The following FSCN2 variants were observed in gnomAD, a reference collection of about 807,000 sequenced individuals.
FSCN2 encodes fascin actin-bundling protein 2, retinal.
FSCN2 carries 46 observed loss-of-function variants against 37.8 expected under a neutral mutation model. The ratio of observed to expected loss-of-function variants is 1.22; its 90% CI spans 0.96 to 1.56. The LOEUF (loss-of-function observed/expected upper bound fraction) is 1.56. FSCN2 is among the 40% of genes most tolerant of loss of function. FSCN2 has a pLI of 0.00. For missense variants in FSCN2, 844 were observed against 730.4 expected, an observed-to-expected ratio of 1.16 and a Z score of -1.79; for synonymous variants, 351 against 309.4, an observed-to-expected ratio of 1.13 and a Z score of -1.41.
intron 1 of FSCN2, among the ~76,000 whole-genome samples, chr17:81,531,264 G>A (rs113689994): frequency 2.7e-4 from 25 of 94,134 alleles, no homozygotes; most frequent in African/African-American, 9.8e-4. Flanking sequence ...GGTGATGATG[G>A]TGGTGATGGC....
At chr17:81,523,333 A>G in the FSCN2 span, among the ~76,000 whole-genome samples, 3 of 152,144 alleles carry the variant, frequency 2.0e-5, no homozygotes, top group African/African-American at 7.2e-5. Flanking sequence ...GGAGCCTGTC[A>G]CCCTAAACCT....
At chr17:81,520,172 C>T in the FSCN2 span, among the ~76,000 whole-genome samples, 1 of 152,072 alleles carries the variant, frequency 6.6e-6, no homozygotes, top group African/African-American at 2.4e-5. Flanking sequence ...GGGGCACTGC[C>T]GGACAGGGGA....
At chr17:81,521,529 G>C in the FSCN2 span, among the ~76,000 whole-genome samples, 1 of 152,092 alleles carries the variant, frequency 6.6e-6, no homozygotes, top group African/African-American at 2.4e-5. Flanking sequence ...ATGCCACCAT[G>C]CCTGGCTAAT....
At chr17:81,531,520 TGGTGATGGC>T in intron 1 of FSCN2, among the ~76,000 whole-genome samples, 1 of 147,930 alleles carries the variant, frequency 6.8e-6, no homozygotes, top group Non-Finnish European at 1.5e-5. Flanking sequence ...ATGGTGATGG[TGGTGATGGC>T]GATGGTGGTG....
the FSCN2 span, among the ~76,000 whole-genome samples, chr17:81,515,634 C>T: frequency 6.6e-6 from 1 of 152,262 alleles, no homozygotes; most frequent in Non-Finnish European, 1.5e-5. Context: ...CACTGCCCCA[C>T]CTCCAGCTCC....
chr17:81,517,171 C>T, the FSCN2 span, among the ~76,000 whole-genome samples: 2 of 151,982 alleles, frequency 1.3e-5, no homozygotes, highest in African/African-American at 4.8e-5. Context: ...GCCCCACCCC[C>T]GCTGCTCCAG....
chr17:81,517,586 CT>C, the FSCN2 span, among the ~76,000 whole-genome samples: 1 of 152,182 alleles, frequency 6.6e-6, no homozygotes, highest in Admixed American at 6.5e-5. Flanking sequence ...GTGCCTGCTC[CT>C]CCCTCTGTTC....
chr17:81,534,227 C>T (rs1270067453), intron 1 of FSCN2, among the ~76,000 whole-genome samples: 3 of 152,092 alleles, frequency 2.0e-5, no homozygotes, highest in Non-Finnish European at 4.4e-5. Flanking sequence ...GCATCCTCTC[C>T]CCTGGGCACA....
rs866206918 is a variant in FSCN2, at chr17:81,531,781, T to C, written c.826+2424T>C. On this transcript the variant is annotated intron_variant, in intron 1 of 4. Coordinates refer to ENST00000417245, the MANE Select transcript of FSCN2 (RefSeq NM_012418.4). ...GCGATGATGGTGATGATAGTGATGG[T>C]GATGATGGTGATGATGATAATGGTG... 1.9e-3 allele frequency among the ~76,000 whole-genome samples: 261 copies of C among 137,010 alleles called. 8 individuals carry two copies. The highest frequency in any genetic ancestry group is 4.8e-3 in the African/African-American group (158 of 32,890). 89.9% of individuals were successfully genotyped at this position (137,010 alleles called of 152,430 possible). A position where few individuals can be genotyped will look rare whatever the true frequency, so the allele number is the denominator to read the frequency against.
chr17:81,524,049 C>T (rs1227749320), upstream of FSCN2, among the ~76,000 whole-genome samples: 2 of 152,104 alleles, frequency 1.3e-5, no homozygotes, highest in Admixed American at 6.5e-5. Flanking sequence ...GACGGGCCAA[C>T]TCGGGGAGGG....
chr17:81,536,922 A>G lies in FSCN2; in HGVS notation c.1321A>G (p.Ser441Gly). 1.3e-6 allele frequency: 2 copies of G among 1,574,598 alleles called. No individual in the cohort carries two copies. Among genetic ancestry groups the G allele is most frequent in the Middle Eastern group, 3.3e-4 (2 of 5,974 alleles). ...WYTGSHGSVC[S>G]DGERAEDFVF... ...CACGGGCAGCCACGGCAGCGTGTGC[A>G]GCGACGGCGAACGCGCCGAGGACTT... The change falls in exon 5 of 5, where the codon AGC becomes GGC. Residue 441 changes from serine (S) to glycine (G), a missense_variant. Physicochemically the swap from Ser to Gly is moderately conservative, Grantham distance 56. Coordinates refer to ENST00000417245, the MANE Select transcript of FSCN2 (RefSeq NM_012418.4).
chr17:81,529,415 GA>G, intron 1 of FSCN2, 58 bp downstream of exon 1: 1 of 1,334,744 alleles, frequency 7.5e-7, no homozygotes, highest in Non-Finnish European at 1.0e-6. Context: ...CTGCTTCAGG[GA>G]GGAGGCCGTG....
In FSCN2 at chr17:81,528,961, C is replaced by T. The variant is rs2032448386; in HGVS notation, c.430C>T (p.Leu144=). The stretch of plus-strand genomic sequence containing the variant: ...GGCCATCCACCCGCAGGCCCACCTG[C>T]TGAGCGTGAGCCGGCGGCGCTACGT... The part of the protein sequence containing the change: ...HLAIHPQAHL[L]SVSRRRYVHL... Residue 144 remains leucine, a synonymous_variant, in exon 1 of 5, where the codon CTG becomes TTG. Coordinates refer to ENST00000417245, the MANE Select transcript of FSCN2 (RefSeq NM_012418.4). The T allele has an allele frequency of 6.3e-7, 1 of 1,589,892 alleles. No homozygotes were observed.
chr17:81,535,158 C>G lies in FSCN2; in HGVS notation c.933C>G (p.Gly311=), dbSNP rs1481655251. The G allele has an allele frequency of 3.3e-6, 5 of 1,533,662 alleles. No individual in the cohort carries two copies. Among genetic ancestry groups the G allele is most frequent in the Non-Finnish European group, 4.4e-6 (5 of 1,145,348 alleles). The change falls in exon 2 of 5, where the codon GGC becomes GGG. Residue 311 remains glycine, a synonymous_variant. Transcript: ENST00000417245. ...GCACCTTCTATTCCAGCACTGGGGG[C>G]TACTGGACCCTGGTCACCCATGGGG... ...KKCTFYSSTG[G]YWTLVTHGGI...
chr17:81,534,024 G>C (rs7214213), intron 1 of FSCN2, among the ~76,000 whole-genome samples: 1 of 152,194 alleles, frequency 6.6e-6, no homozygotes, highest in African/African-American at 2.4e-5. Context: ...TTCAGTATTT[G>C]CCAGGATCTA....
intron 1 of FSCN2, chr17:81,530,176 C>A: frequency 3.5e-6 from 1 of 282,758 alleles, no homozygotes; most frequent in Admixed American, 4.2e-5. Context: ...GGGGATCGGG[C>A]GGGGATAGCA....
rs782113712 is a variant in FSCN2, at chr17:81,528,894, C to T, written c.363C>T (p.Phe121=). Residue 121 remains phenylalanine, a synonymous_variant, in exon 1 of 5, where the codon TTC becomes TTT. Transcript: ENST00000417245. ...GCACCGAGGACCAGCTGTCCTGCTT[C>T]GCCACAGCCGTTTCCCCGGCCGAGC... ...FGGTEDQLSC[F]ATAVSPAELW... 1.0e-5 allele frequency: 16 copies of T among 1,578,720 alleles called. No homozygotes were observed. The highest frequency in any genetic ancestry group is 7.0e-5 in the East Asian group (3 of 42,992).
chr17:81,517,089 A>G, the FSCN2 span, among the ~76,000 whole-genome samples: 2 of 152,004 alleles, frequency 1.3e-5, no homozygotes, highest in Non-Finnish European at 2.9e-5. Context: ...TGGGCACTCT[A>G]CACGAGGGTT....
chr17:81,524,041 C>T (rs142455150), upstream of FSCN2, among the ~76,000 whole-genome samples: 451 of 152,240 alleles, frequency 3.0e-3, 3 homozygotes, highest in Non-Finnish European at 5.0e-3. Context: ...GAGCACCAGA[C>T]GGGCCAACTC....
Sources: allele counts gnomAD v4.1 joint callset (sites outside exome capture counted in the v4.1 genomes callset), GRCh38; gene constraint gnomAD v4.1.1; transcripts MANE v1.5; gene names NCBI Gene and HGNC (gene_info 2026-07-23, HGNC 2026-07-21).